The following CAMK1G variants were observed in gnomAD, a reference collection of about 807,000 sequenced individuals.
CAMK1G encodes the protein calcium/calmodulin dependent protein kinase IG, also known as calcium/calmodulin-dependent protein kinase type 1G.
CAMK1G carries 27 observed loss-of-function variants against 54.8 expected under a neutral mutation model. The ratio of observed to expected loss-of-function variants is 0.49; its 90% CI spans 0.36 to 0.68. The LOEUF (loss-of-function observed/expected upper bound fraction) is 0.68. Ranked by LOEUF, CAMK1G falls within the 30% of genes least tolerant of loss-of-function variation. The pLI is 0.00. For missense variants in CAMK1G, 512 were observed against 591.0 expected (o/e 0.87, Z 1.39); for synonymous variants, 238 against 224.9 (o/e 1.06, Z -0.52).
intron 2 of CAMK1G, among the ~76,000 whole-genome samples, chr1:209,598,919 C>A (rs778911922): frequency 3.0e-4 from 45 of 152,154 alleles, no homozygotes; most frequent in Non-Finnish European, 5.7e-4. Flanking sequence ...GTTTGGGCAA[C>A]TGGGTTAGTC....
chr1:209,610,918 G>C (rs545936555), intron 9 of CAMK1G, among the ~76,000 whole-genome samples: 1 of 152,188 alleles, frequency 6.6e-6, no homozygotes, highest in Non-Finnish European at 1.5e-5. Context: ...TAAGGGGATA[G>C]GAAAGGGGCA....
At chr1:209,592,686 C>A (rs892682052) in intron 1 of CAMK1G, among the ~76,000 whole-genome samples, 1 of 152,236 alleles carries the variant, frequency 6.6e-6, no homozygotes, top group African/African-American at 2.4e-5. Flanking sequence ...AAGCAAAGAT[C>A]TGTGCTTTGG....
intron 5 of CAMK1G, 165 bp from the exon 6 acceptor site, chr1:209,606,155 G>T (rs1558140343): frequency 3.0e-6 from 1 of 333,520 alleles, no homozygotes. Context: ...TGGGGTGCAG[G>T]TGTGAGGGTG....
chr1:209,596,894 C>T (rs1166048282), intron 2 of CAMK1G, among the ~76,000 whole-genome samples: 1 of 152,088 alleles, frequency 6.6e-6, no homozygotes, highest in African/African-American at 2.4e-5. Context: ...TGGTCTCAGA[C>T]CCACTAAACT....
At position 209,609,784 on chromosome 1, in the gene CAMK1G, G is replaced by A. The variant is rs146703783; in HGVS notation, c.749-67G>A. On this transcript the variant is annotated intron_variant, in intron 8 of 12. Coordinates refer to ENST00000361322, the MANE Select transcript of CAMK1G (RefSeq NM_020439.3). ...TGCATTCACTGCCACCCACCAGCCC[G>A]GAAGTGAATTTCCATCAGTCATGAA... 403 of 1,504,220 alleles carry A rather than the reference G, an allele frequency of 2.7e-4. 1 individual carries two copies. The African/African-American group carries it at 3.2e-3, about 12-fold the overall frequency. The allele number at this position is 1,504,220 out of a possible 1,614,324, so 93.2% of individuals were successfully genotyped here.
In CAMK1G at chr1:209,608,008, G is replaced by C. The variant is rs1327910386; in HGVS notation, c.635+75G>C. 4.3e-6 allele frequency: 5 copies of C among 1,171,360 alleles called. No homozygotes were observed. In the African/African-American group the frequency reaches 6.1e-5, roughly 14 times the overall value. 72.6% of individuals were successfully genotyped at this position (1,171,360 alleles called of 1,614,324 possible). ...CTTACCCCTTCTCGTTCCCTCCCCT[G>C]TCTCAGCTCCTCCTCCAAGCACGTG... On this transcript the variant is annotated intron_variant, in intron 7 of 12. Coordinates refer to ENST00000361322, the MANE Select transcript of CAMK1G (RefSeq NM_020439.3).
chr1:209,602,114 A>G (rs977932486), intron 3 of CAMK1G, among the ~76,000 whole-genome samples: 3 of 152,114 alleles, frequency 2.0e-5, no homozygotes, highest in African/African-American at 7.2e-5. Flanking sequence ...GTAACCCCAA[A>G]CAAGGGTAAT....
At chr1:209,600,857 G>A (rs1302790025) in intron 3 of CAMK1G, among the ~76,000 whole-genome samples, 1 of 152,250 alleles carries the variant, frequency 6.6e-6, no homozygotes, top group Non-Finnish European at 1.5e-5. Context: ...GAAAGGCAAT[G>A]CAGAAAGGGA....
chr1:209,610,673 C>G (rs1177860051), intron 9 of CAMK1G, among the ~76,000 whole-genome samples: 2 of 152,208 alleles, frequency 1.3e-5, no homozygotes, highest in Non-Finnish European at 2.9e-5. Context: ...TCTGCCCTTC[C>G]CTGAAGCCCC....
At chr1:209,596,726 A>T (rs1298702007) in intron 2 of CAMK1G, among the ~76,000 whole-genome samples, 3 of 151,900 alleles carry the variant, frequency 2.0e-5, no homozygotes, top group Non-Finnish European at 4.4e-5. Flanking sequence ...AACTATTTGT[A>T]AATAAGTTGC....
chr1:209,612,062 T>C lies in CAMK1G; in HGVS notation c.1186T>C (p.Ser396Pro), dbSNP rs1274588354. 12 of 1,614,142 alleles carry C rather than the reference T, an allele frequency of 7.4e-6. No homozygotes were observed. The East Asian group carries it at 2.2e-4, about 30-fold the overall frequency. ...GRSLNCLVNGSLHISSSLVPM... is the reference protein window; with the variant it reads ...GRSLNCLVNGPLHISSSLVPM... ...GTCCCTCAACTGCCTGGTCAATGGC[T>C]CCCTCCACATCAGCAGCAGCCTGGT... Residue 396 changes from serine (S) to proline (P), a missense_variant, in exon 11 of 13, where the codon TCC becomes CCC. Physicochemically the swap from Ser to Pro is moderately conservative, Grantham distance 74. Around this residue, in one of 3 missense-constraint regions of CAMK1G, gnomAD observed 315 missense variants for 330.5 expected, o/e 0.95. Transcript: ENST00000361322.
At chr1:209,591,517 G>C (rs961534460) in intron 1 of CAMK1G, among the ~76,000 whole-genome samples, 7 of 152,206 alleles carry the variant, frequency 4.6e-5, no homozygotes, top group African/African-American at 1.7e-4. Flanking sequence ...GGAACTTTAA[G>C]TTTGAATTTG....
At chr1:209,597,812 G>T (rs1665426536) in intron 2 of CAMK1G, among the ~76,000 whole-genome samples, 1 of 152,140 alleles carries the variant, frequency 6.6e-6, no homozygotes, top group African/African-American at 2.4e-5. Context: ...GTCAAGGATG[G>T]CTCAGCTGTT....
intron 8 of CAMK1G, among the ~76,000 whole-genome samples, chr1:209,609,365 C>A (rs1665725953): frequency 6.6e-6 from 1 of 152,156 alleles, no homozygotes; most frequent in Admixed American, 6.5e-5. Flanking sequence ...GCCAGGAGGG[C>A]AGAGCCAGGT....
intron 1 of CAMK1G, among the ~76,000 whole-genome samples, chr1:209,588,414 T>TTGGAC (rs1665160493): frequency 6.9e-6 from 1 of 145,630 alleles, no homozygotes; most frequent in Admixed American, 7.0e-5. Context: ...TTGGATTGGA[T>TTGGAC]TGGATGGAAA....
At position 209,609,260 on chromosome 1, in the gene CAMK1G, T is replaced by C. The variant is rs536753483; in HGVS notation, c.748+168T>C. On this transcript the variant is annotated intron_variant, in intron 8 of 12. Coordinates refer to ENST00000361322, the MANE Select transcript of CAMK1G (RefSeq NM_020439.3). The stretch of plus-strand genomic sequence containing the variant: ...ATCTTCGTCTGCTTCAAAGACCCGA[T>C]AAATTATTTACATCTAAGAGCTATG... 3.9e-5 allele frequency among the ~76,000 whole-genome samples: 6 copies of C among 152,282 alleles called. No homozygotes were observed. The South Asian group carries it at 1.2e-3, about 32-fold the overall frequency.
Position 209,608,973 on chromosome 1 carries a change from G to T in CAMK1G, c.636-7G>T. 1.2e-6 allele frequency: 2 copies of T among 1,613,992 alleles called. No homozygotes were observed. The highest frequency in any genetic ancestry group is 2.2e-5 in the South Asian group (2 of 91,082). On this transcript the variant is annotated splice_region_variant and splice_polypyrimidine_tract_variant and intron_variant, in intron 7 of 12. Coordinates refer to ENST00000361322, the MANE Select transcript of CAMK1G (RefSeq NM_020439.3). ...CAGTAGTATGCCTCCTTCCTGTCCTGCTGCAGGCTCTGTGGATACCCCCCA... is the reference window on the plus strand; with the variant it reads ...CAGTAGTATGCCTCCTTCCTGTCCTTCTGCAGGCTCTGTGGATACCCCCCA...
intron 2 of CAMK1G, among the ~76,000 whole-genome samples, chr1:209,595,660 T>C (rs2102385147): frequency 6.6e-6 from 1 of 152,336 alleles, no homozygotes; most frequent in Non-Finnish European, 1.5e-5. Flanking sequence ...CAACCTCTTC[T>C]TCTGCTCTAA....
chr1:209,612,336 T>A (rs998905055), intron 11 of CAMK1G, 120 bp downstream of exon 11: 40 of 1,106,874 alleles, frequency 3.6e-5, no homozygotes, highest in Non-Finnish European at 4.3e-5. Context: ...TAGGGAGGGA[T>A]GAGTTCTGGA....
Sources: allele counts gnomAD v4.1 joint callset (sites outside exome capture counted in the v4.1 genomes callset), GRCh38; gene constraint gnomAD v4.1.1; regional missense constraint gnomAD v4.1.1; transcripts MANE v1.5; gene names NCBI Gene and HGNC (gene_info 2026-07-23, HGNC 2026-07-21).